Variants in LARP1B observed in about 807,000 individuals in gnomAD.
LARP1B encodes the protein La ribonucleoprotein 1B.
Under a neutral mutation model 114.2 loss-of-function variants are expected in LARP1B, and 76 were observed. That is an observed-to-expected ratio of 0.67 (90% CI 0.55 to 0.81). The LOEUF (loss-of-function observed/expected upper bound fraction) is 0.81, where lower values mean the gene tolerates loss of function less well. Among genes scored for constraint, LARP1B ranks in the 30% least tolerant of loss-of-function variants. The pLI, the probability that LARP1B is intolerant of heterozygous loss-of-function variation, is 0.00. For synonymous variants in LARP1B, 345 were observed against 348.0 expected (o/e 0.99, Z 0.10); for missense variants, 1,014 against 1,075.8 (o/e 0.94, Z 0.80).
At chr4:128,070,301 C>CA (rs1187431986) in intron 1 of LARP1B, among the ~76,000 whole-genome samples, 2 of 151,074 alleles carry the variant, frequency 1.3e-5, no homozygotes, top group Admixed American at 1.3e-4. Context: ...GCCTGGGTGA[C>CA]AGAGTGAGAC....
chr4:128,128,928 G>A lies in LARP1B; in HGVS notation c.1524+6740G>A, dbSNP rs534483355. On this transcript the variant is annotated intron_variant, in intron 11 of 19. Transcript: ENST00000326639. ...GCCTGTAATCCCAGCACTTTGGGAG[G>A]ACGAGGTGGGCAGATCACGAGGTCA... is the stretch of plus-strand genomic sequence containing the variant. Among the ~76,000 whole-genome samples the A allele has an allele frequency of 1.1e-4, 16 of 152,194 alleles. No homozygotes were observed. The South Asian group carries it at 3.1e-3, about 30-fold the overall frequency.
At chr4:128,155,467 G>A (rs911209920) in intron 11 of LARP1B, 30 of 760,984 alleles carry the variant, frequency 3.9e-5, no homozygotes, top group South Asian at 3.5e-4. Context: ...CCCCCCGGCC[G>A]CAGTGCAGGC....
At chr4:128,142,846 C>A (rs1394550206) in intron 11 of LARP1B, among the ~76,000 whole-genome samples, 6 of 151,948 alleles carry the variant, frequency 3.9e-5, no homozygotes. Context: ...CTTTTACACT[C>A]TTCCTAACAC....
chr4:128,064,848 T>TC (rs771417637), intron 1 of LARP1B, among the ~76,000 whole-genome samples: 1 of 152,144 alleles, frequency 6.6e-6, no homozygotes, highest in Non-Finnish European at 1.5e-5. Flanking sequence ...TAGTGTCCTG[T>TC]CATAGTGCCT....
chr4:128,065,231 C>T (rs1207819903), intron 1 of LARP1B, among the ~76,000 whole-genome samples: 1 of 151,872 alleles, frequency 6.6e-6, no homozygotes, highest in Non-Finnish European at 1.5e-5. Context: ...AACACTGACT[C>T]TGCACTGTTC....
chr4:128,220,427 C>G lies in LARP1B; in HGVS notation n.921C>G, dbSNP rs1470449545. 3 of 787,788 alleles carry G rather than the reference C, an allele frequency of 3.8e-6. No homozygotes were observed. The African/African-American group carries it at 5.6e-5, about 15-fold the overall frequency. The allele number at this position is 787,788 out of a possible 1,614,324, so 48.8% of individuals were successfully genotyped here. ...CAAAACGGAATGTCAGATCTGTAGA[C>G]TTTTGACAGGAAAGTGAGTATGTGT... is the stretch of plus-strand genomic sequence containing the variant. On this transcript the variant is annotated non_coding_transcript_exon_variant, in exon 7 of 8. Transcript: ENST00000503725.
At chr4:128,178,675 ATT>A (rs747641408) in intron 14 of LARP1B, 33 bp downstream of exon 14, 25 of 1,472,170 alleles carry the variant, frequency 1.7e-5, no homozygotes, top group Non-Finnish European at 2.4e-5. Context: ...TAAGGCTTGC[ATT>A]TTGTATCCTT....
rs191924796 is a variant in LARP1B, at chr4:128,111,941, C to T, written c.989-2629C>T. 2.6e-3 allele frequency among the ~76,000 whole-genome samples: 390 copies of T among 151,624 alleles called. 4 individuals are homozygous for T. Among genetic ancestry groups the T allele is most frequent in the African/African-American group, 8.8e-3 (362 of 41,328 alleles). On this transcript the variant is annotated intron_variant, in intron 9 of 19. Coordinates refer to ENST00000326639, the MANE Select transcript of LARP1B (RefSeq NM_018078.4). ...CTGACCTCAGATGATCTGCCTGCCT[C>T]GGCCTCCCAAAGTGCTGGGATTATA... is the stretch of plus-strand genomic sequence containing the variant.
At chr4:128,174,009 A>G (rs1276620886) in intron 12 of LARP1B, among the ~76,000 whole-genome samples, 1 of 152,224 alleles carries the variant, frequency 6.6e-6, no homozygotes, top group Non-Finnish European at 1.5e-5. Flanking sequence ...AAATGGAATT[A>G]TATGATACAT....
At chr4:128,066,624 A>G (rs1483929014) in intron 1 of LARP1B, among the ~76,000 whole-genome samples, 1 of 151,220 alleles carries the variant, frequency 6.6e-6, no homozygotes, top group Non-Finnish European at 1.5e-5. Flanking sequence ...ATAACAGGCA[A>G]GCGGCACCAT....
In LARP1B at chr4:128,091,425, G is replaced by A; in HGVS notation, c.581G>A (p.Ser194Asn). The change falls in exon 7 of 20, where the codon AGT becomes AAT. Residue 194 changes from serine to asparagine, a missense_variant. Coordinates refer to ENST00000326639, the MANE Select transcript of LARP1B (RefSeq NM_018078.4). Reference protein sequence around the residue: ...DQPFQTELNTSMMYYYDDGTG... With the variant: ...DQPFQTELNTNMMYYYDDGTG... ...CCATTTCAAACAGAACTTAATACCAGTATGATGTATTACTATGATGATGGT... is the reference window on the plus strand; with the variant it reads ...CCATTTCAAACAGAACTTAATACCAATATGATGTATTACTATGATGATGGT... 7 of 1,605,486 alleles carry A rather than the reference G, an allele frequency of 4.4e-6. No individual in the cohort carries two copies. Among genetic ancestry groups the A allele is most frequent in the Non-Finnish European group, 6.0e-6 (7 of 1,172,226 alleles).
intron 1 of LARP1B, among the ~76,000 whole-genome samples, chr4:128,071,742 G>A (rs1206755302): frequency 6.6e-6 from 1 of 151,958 alleles, no homozygotes; most frequent in Non-Finnish European, 1.5e-5. Context: ...ATTTTAAAAA[G>A]CACTAATTTT....
intron 8 of LARP1B, among the ~76,000 whole-genome samples, chr4:128,106,226 A>G (rs1421650605): frequency 6.6e-6 from 1 of 151,950 alleles, no homozygotes; most frequent in African/African-American, 2.4e-5. Context: ...GTTTCACCAT[A>G]TTGGCCAAGA....
intron 17 of LARP1B, among the ~76,000 whole-genome samples, chr4:128,202,060 ATC>A: frequency 6.6e-6 from 1 of 152,232 alleles, no homozygotes; most frequent in Non-Finnish European, 1.5e-5. Context: ...TTTAATTTTT[ATC>A]TGTTATCTAT....
intron 15 of LARP1B, among the ~76,000 whole-genome samples, chr4:128,186,585 C>A (rs1001080588): frequency 6.6e-6 from 1 of 152,158 alleles, no homozygotes; most frequent in African/African-American, 2.4e-5. Context: ...CATCTGCAGG[C>A]AAGGATAATT....
chr4:128,200,972 T>C (rs1755758999), intron 17 of LARP1B, among the ~76,000 whole-genome samples: 1 of 152,232 alleles, frequency 6.6e-6, no homozygotes, highest in Non-Finnish European at 1.5e-5. Flanking sequence ...GGCTTATGGT[T>C]TCTCATGAGC....
chr4:128,217,815 A>C (rs1759636155), intron 6 of LARP1B, among the ~76,000 whole-genome samples: 1 of 146,178 alleles, frequency 6.8e-6, no homozygotes, highest in Non-Finnish European at 1.5e-5. Context: ...AGGAGAAGGA[A>C]ATAAAGGGTA....
intron 5 of LARP1B, among the ~76,000 whole-genome samples, chr4:128,083,676 G>GC (rs543988452): frequency 0.57 from 69,571 of 122,946 alleles, 20,897 homozygotes; most frequent in Middle Eastern, 0.82. Flanking sequence ...GGGGGGCTGA[G>GC]CCCCCCCACC....
intron 11 of LARP1B, among the ~76,000 whole-genome samples, chr4:128,136,559 C>CT (rs1040478956): frequency 3.9e-5 from 6 of 152,096 alleles, no homozygotes; most frequent in African/African-American, 1.4e-4. Flanking sequence ...AATTTACTCT[C>CT]TAAGTGATTT....
Sources: allele counts gnomAD v4.1 joint callset (sites outside exome capture counted in the v4.1 genomes callset), GRCh38; gene constraint gnomAD v4.1.1; transcripts MANE v1.5; gene names NCBI Gene and HGNC (gene_info 2026-07-23, HGNC 2026-07-21).